Variants in BRINP1 observed in about 807,000 individuals in gnomAD.
BRINP1 encodes the protein BMP/retinoic acid-inducible neural-specific protein 1.
Under a neutral mutation model 72.9 loss-of-function variants are expected in BRINP1, and 17 were observed. The ratio of observed to expected loss-of-function variants is 0.23; its 90% CI spans 0.16 to 0.35. BRINP1 has a LOEUF of 0.35. BRINP1 is among the 10% of genes least tolerant of loss of function. The probability of loss-of-function intolerance (pLI) is 1.00; values close to 1 mark genes in which losing one functional copy is unlikely to be tolerated. For synonymous variants in BRINP1, 418 were observed against 378.5 expected (o/e 1.10, Z -1.21); for missense variants, 850 against 1,001.6 (o/e 0.85, Z 2.04).
intron 7 of BRINP1, among the ~76,000 whole-genome samples, chr9:119,170,631 T>C (rs1010638661): frequency 2.8e-4 from 42 of 147,692 alleles, no homozygotes; most frequent in African/African-American, 2.3e-4. Context: ...ATACAGAGAA[T>C]GCCACAAAGA....
intron 7 of BRINP1, among the ~76,000 whole-genome samples, chr9:119,203,925 C>T (rs1205757676): frequency 2.0e-5 from 3 of 152,148 alleles, no homozygotes; most frequent in Non-Finnish European, 2.9e-5. Context: ...ATACTCACAC[C>T]CTTGAAGCCA....
intron 2 of BRINP1, among the ~76,000 whole-genome samples, chr9:119,289,127 A>G (rs1202877033): frequency 1.3e-5 from 2 of 152,166 alleles, no homozygotes; most frequent in African/African-American, 2.4e-5. Context: ...GAAGTCTGAG[A>G]ATGTGGTTTT....
At chr9:119,250,391 C>T (rs1050159783) in intron 2 of BRINP1, among the ~76,000 whole-genome samples, 18 of 152,320 alleles carry the variant, frequency 1.2e-4, no homozygotes, top group African/African-American at 3.1e-4. Context: ...CACAACCAAA[C>T]GACACCAAAT....
At chr9:119,185,382 A>T (rs1829606396) in intron 7 of BRINP1, among the ~76,000 whole-genome samples, 1 of 152,232 alleles carries the variant, frequency 6.6e-6, no homozygotes, top group Non-Finnish European at 1.5e-5. Flanking sequence ...AACAATCTTG[A>T]TTGACTAGAT....
At chr9:119,328,311 T>C (rs948833677) in intron 1 of BRINP1, among the ~76,000 whole-genome samples, 4 of 152,170 alleles carry the variant, frequency 2.6e-5, no homozygotes, top group African/African-American at 7.2e-5. Context: ...AGAAGATTCA[T>C]TGAAAGAGAT....
chr9:119,170,784 C>T lies in BRINP1; in HGVS notation c.1146-2560G>A, dbSNP rs950442863. Among the ~76,000 whole-genome samples, 815 of 137,298 alleles carry T rather than the reference C, an allele frequency of 5.9e-3. 30 individuals are homozygous for T. The highest frequency in any genetic ancestry group is 0.024 in the African/African-American group (773 of 32,112). The allele number at this position is 137,298 out of a possible 152,430, so 90.1% of individuals were successfully genotyped here. The stretch of plus-strand genomic sequence containing the variant: ...CCCATCAGACTAACAGCAGATCTCT[C>T]GGCAGAAACCCTACAAGCCAGAAGA... On this transcript the variant is annotated intron_variant, in intron 7 of 7. Transcript: ENST00000265922.
chr9:119,317,733 G>T (rs918378290), intron 1 of BRINP1, among the ~76,000 whole-genome samples: 1 of 152,152 alleles, frequency 6.6e-6, no homozygotes, highest in Non-Finnish European at 1.5e-5. Flanking sequence ...TTAAGAAATT[G>T]CCACTGCCAC....
chr9:119,299,612 CAAAAAAAA>C (rs758236349), intron 2 of BRINP1, among the ~76,000 whole-genome samples: 1 of 57,170 alleles, frequency 1.7e-5, no homozygotes, highest in Non-Finnish European at 3.6e-5. Context: ...GACTCCGTCT[CAAAAAAAA>C]AAAAAAAAAA....
intron 2 of BRINP1, among the ~76,000 whole-genome samples, chr9:119,264,424 C>A (rs1830528136): frequency 6.6e-6 from 1 of 152,214 alleles, no homozygotes; most frequent in African/African-American, 2.4e-5. Context: ...TTGGCTCATG[C>A]CACCTCCTCC....
chr9:119,356,676 G>T (rs139617769), intron 1 of BRINP1, among the ~76,000 whole-genome samples: 1 of 151,774 alleles, frequency 6.6e-6, no homozygotes, highest in African/African-American at 2.4e-5. Flanking sequence ...ATGGTGGTGC[G>T]TGCCTGTAAT....
chr9:119,204,582 A>T (rs1829833867), intron 7 of BRINP1, among the ~76,000 whole-genome samples: 1 of 152,188 alleles, frequency 6.6e-6, no homozygotes, highest in South Asian at 2.1e-4. Context: ...AAATTAGTTA[A>T]TCTCATATAA....
intron 2 of BRINP1, among the ~76,000 whole-genome samples, chr9:119,258,724 C>T (rs1217249372): frequency 1.3e-5 from 2 of 152,184 alleles, no homozygotes; most frequent in Non-Finnish European, 2.9e-5. Flanking sequence ...GACCCACTGT[C>T]TTATTCCATT....
chr9:119,174,260 A>C (rs961363716), intron 7 of BRINP1, among the ~76,000 whole-genome samples: 1 of 150,820 alleles, frequency 6.6e-6, no homozygotes, highest in African/African-American at 2.5e-5. Flanking sequence ...GAACTCAAAC[A>C]AATTTACAAG....
chr9:119,309,422 G>C (rs780231519), intron 2 of BRINP1, among the ~76,000 whole-genome samples: 63 of 152,276 alleles, frequency 4.1e-4, no homozygotes, highest in Non-Finnish European at 5.6e-4. Context: ...TGTGTAATAT[G>C]AACAATGGGC....
intron 4 of BRINP1, among the ~76,000 whole-genome samples, chr9:119,239,827 G>A (rs1264297799): frequency 6.6e-6 from 1 of 151,968 alleles, no homozygotes; most frequent in Non-Finnish European, 1.5e-5. Flanking sequence ...TTTTCGTTTT[G>A]TTTTACAAAT....
chr9:119,236,914 C>A (rs1017322128), intron 5 of BRINP1, among the ~76,000 whole-genome samples: 6 of 152,080 alleles, frequency 3.9e-5, no homozygotes, highest in African/African-American at 7.2e-5. Flanking sequence ...AATAGTAAAC[C>A]ACTTTCTTGG....
At chr9:119,305,971 T>C (rs1830994169) in intron 2 of BRINP1, among the ~76,000 whole-genome samples, 1 of 152,194 alleles carries the variant, frequency 6.6e-6, no homozygotes, top group Non-Finnish European at 1.5e-5. Context: ...TTGGCCAAGA[T>C]TTGGAGCACA....
chr9:119,300,899 T>C (rs1830932267), intron 2 of BRINP1, among the ~76,000 whole-genome samples: 1 of 152,182 alleles, frequency 6.6e-6, no homozygotes, highest in African/African-American at 2.4e-5. Flanking sequence ...GCTTCCATGG[T>C]ACCAGCCATC....
At position 119,254,474 on chromosome 9, in the gene BRINP1, T is replaced by C. The variant is rs948192982; in HGVS notation, c.219-5324A>G. ...ATGCAAAGGTCCTGGGGTGGAAATG[T>C]GTTTGACACATTTGGGAAACATCAA... On this transcript the variant is annotated intron_variant, in intron 2 of 7. Coordinates refer to ENST00000265922, the MANE Select transcript of BRINP1 (RefSeq NM_014618.3). Among the ~76,000 whole-genome samples, 17 of 152,230 alleles carry C rather than the reference T, an allele frequency of 1.1e-4. No individual in the cohort carries two copies. In the East Asian group the frequency reaches 3.3e-3, roughly 29 times the overall value.
Sources: allele counts gnomAD v4.1 joint callset (sites outside exome capture counted in the v4.1 genomes callset), GRCh38; gene constraint gnomAD v4.1.1; transcripts MANE v1.5; gene names NCBI Gene and HGNC (gene_info 2026-07-23, HGNC 2026-07-21).